The following PDE3B variants were observed in gnomAD, a reference collection of about 807,000 sequenced individuals.
The protein encoded by PDE3B is phosphodiesterase 3B.
A neutral mutation model predicts 116.8 loss-of-function variants in PDE3B; 66 were observed. The ratio of observed to expected loss-of-function variants is 0.56; its 90% CI spans 0.46 to 0.69. The LOEUF is 0.69. Among genes scored for constraint, PDE3B ranks in the 30% least tolerant of loss-of-function variants. The probability of loss-of-function intolerance (pLI) is 0.00; values close to 1 mark genes in which losing one functional copy is unlikely to be tolerated. For missense variants in PDE3B, 1,384 were observed against 1,368.1 expected (o/e 1.01, Z -0.18); for synonymous variants, 595 against 533.6 (o/e 1.12, Z -1.59).
chr11:14,892,176 G>A, the PDE3B span: 2 of 1,610,630 alleles, frequency 1.2e-6, no homozygotes, highest in East Asian at 2.2e-5. Context: ...GCGCCGCCGC[G>A]CCCTCTTCAG....
chr11:14,653,979 CAG>C (rs1031708619), intron 1 of PDE3B, among the ~76,000 whole-genome samples: 11 of 152,004 alleles, frequency 7.2e-5, no homozygotes, highest in Admixed American at 5.9e-4. Context: ...GCCTGAGTGA[CAG>C]AGTGAGACTC....
At chr11:14,741,534 CT>C (rs1384021279) in intron 1 of PDE3B, among the ~76,000 whole-genome samples, 1 of 151,994 alleles carries the variant, frequency 6.6e-6, no homozygotes, top group African/African-American at 2.4e-5. Flanking sequence ...GGTCTTGACT[CT>C]TTATTCAATT....
chr11:14,821,868 G>A (rs1401422040), intron 7 of PDE3B, among the ~76,000 whole-genome samples: 3 of 151,026 alleles, frequency 2.0e-5, no homozygotes, highest in Admixed American at 1.3e-4. Context: ...TTTGAACCTA[G>A]TTTTCTGAAA....
chr11:14,710,816 T>C (rs117421906), intron 1 of PDE3B, among the ~76,000 whole-genome samples: 2,194 of 152,312 alleles, frequency 0.014, 23 homozygotes, highest in Middle Eastern at 0.031. Flanking sequence ...CTTTCCAGCT[T>C]TGTGAACTAG....
chr11:14,694,793 A>G (rs147911272), intron 1 of PDE3B, among the ~76,000 whole-genome samples: 124 of 152,254 alleles, frequency 8.1e-4, no homozygotes, highest in African/African-American at 2.6e-3. Context: ...TGTGAACCAA[A>G]TAAGTTATAA....
At chr11:14,701,675 CTCTCCATTCTT>C (rs1334912182) in intron 1 of PDE3B, among the ~76,000 whole-genome samples, 1 of 151,608 alleles carries the variant, frequency 6.6e-6, no homozygotes, top group Non-Finnish European at 1.5e-5. Context: ...TATTATGCCT[CTCTCCATTCTT>C]TCTCCATTCT....
At chr11:14,688,135 C>G (rs1854936115) in intron 1 of PDE3B, among the ~76,000 whole-genome samples, 1 of 135,944 alleles carries the variant, frequency 7.4e-6, no homozygotes, top group Admixed American at 7.7e-5. Flanking sequence ...CTCTCTCTCT[C>G]TCTCTCTCCC....
At chr11:14,745,359 G>A (rs1331492759) in intron 1 of PDE3B, among the ~76,000 whole-genome samples, 1 of 151,984 alleles carries the variant, frequency 6.6e-6, no homozygotes, top group Non-Finnish European at 1.5e-5. Flanking sequence ...TTTTTTGCTT[G>A]AGTCTTGTTT....
intron 4 of PDE3B, among the ~76,000 whole-genome samples, chr11:14,803,478 G>A (rs1019016287): frequency 6.6e-6 from 1 of 152,200 alleles, no homozygotes; most frequent in African/African-American, 2.4e-5. Context: ...CTTGTTAGAA[G>A]TGTGGATTAT....
chr11:14,889,019 T>A, the PDE3B span, among the ~76,000 whole-genome samples: 1 of 152,194 alleles, frequency 6.6e-6, no homozygotes, highest in South Asian at 2.1e-4. Context: ...CACTTCTATT[T>A]AAGATTGCCT....
chr11:14,697,808 CTTATG>C (rs773909199), intron 1 of PDE3B, among the ~76,000 whole-genome samples: 9 of 151,468 alleles, frequency 5.9e-5, no homozygotes, highest in Admixed American at 5.9e-4. Flanking sequence ...ATTTTATTTT[CTTATG>C]TTATTGTATA....
At position 14,643,991 on chromosome 11, in the gene PDE3B, G is replaced by C. The variant is rs561902315; in HGVS notation, c.-85G>C. 5.2e-5 allele frequency: 71 copies of C among 1,373,280 alleles called. No individual in the cohort carries two copies. In the African/African-American group the frequency reaches 9.4e-4, roughly 18 times the overall value. 85.1% of individuals were successfully genotyped at this position (1,373,280 alleles called of 1,614,324 possible). On this transcript the variant is annotated 5_prime_UTR_variant, in exon 1 of 16. Transcript: ENST00000282096. Reference sequence around the variant, plus strand: ...TTGCGAACCAGGGGGCGCCCCGAACGCGGGGGTTGGGGTCTGGGAGCGCGA... The same window carrying C: ...TTGCGAACCAGGGGGCGCCCCGAACCCGGGGGTTGGGGTCTGGGAGCGCGA...
chr11:14,868,511 G>C (rs567467998), intron 15 of PDE3B, among the ~76,000 whole-genome samples: 1 of 152,214 alleles, frequency 6.6e-6, no homozygotes, highest in South Asian at 2.1e-4. Flanking sequence ...ATGAATTTGA[G>C]TTACCAAACT....
chr11:14,707,090 A>G (rs1383532412), intron 1 of PDE3B, among the ~76,000 whole-genome samples: 5 of 151,964 alleles, frequency 3.3e-5, no homozygotes, highest in African/African-American at 1.2e-4. Flanking sequence ...AAATAACAAG[A>G]TAACTTCAGA....
At chr11:14,675,227 G>A (rs1854495425) in intron 1 of PDE3B, among the ~76,000 whole-genome samples, 1 of 152,138 alleles carries the variant, frequency 6.6e-6, no homozygotes, top group Non-Finnish European at 1.5e-5. Context: ...CTCCTAAAGA[G>A]AGGTAACTTT....
chr11:14,796,096 A>T (rs754922394), intron 4 of PDE3B, among the ~76,000 whole-genome samples: 1 of 151,400 alleles, frequency 6.6e-6, no homozygotes, highest in Non-Finnish European at 1.5e-5. Context: ...TCATTGTTCA[A>T]CTCCCACTTA....
At chr11:14,668,180 C>A (rs146077931) in intron 1 of PDE3B, among the ~76,000 whole-genome samples, 1 of 152,142 alleles carries the variant, frequency 6.6e-6, no homozygotes, top group East Asian at 1.9e-4. Context: ...ACAGTATCGA[C>A]GCTTTGAGCA....
At chr11:14,679,133 C>A (rs1005944259) in intron 1 of PDE3B, among the ~76,000 whole-genome samples, 5 of 151,974 alleles carry the variant, frequency 3.3e-5, no homozygotes, top group Admixed American at 3.3e-4. Context: ...CTGCCAATAC[C>A]ACACTGTCTT....
chr11:14,879,152 T>C, the PDE3B span: 1 of 1,613,168 alleles, frequency 6.2e-7, no homozygotes, highest in Middle Eastern at 1.7e-4. Flanking sequence ...CTTGGCAAAA[T>C]ATCCACTGCT....
Sources: allele counts gnomAD v4.1 joint callset (sites outside exome capture counted in the v4.1 genomes callset), GRCh38; gene constraint gnomAD v4.1.1; transcripts MANE v1.5; gene names NCBI Gene and HGNC (gene_info 2026-07-23, HGNC 2026-07-21).